Variants in GRK5 observed in about 807,000 individuals in gnomAD.
The protein encoded by GRK5 is G protein-coupled receptor kinase 5.
In GRK5, 40 loss-of-function variants were observed where a neutral mutation model predicts 78.4. The ratio of observed to expected loss-of-function variants is 0.51; its 90% confidence interval spans 0.40 to 0.66. The LOEUF is 0.66. GRK5 is among the 30% of genes least tolerant of loss of function. GRK5 has a pLI of 0.00. For synonymous variants in GRK5, 289 were observed against 296.8 expected, an observed-to-expected ratio of 0.97 and a Z score of 0.27; for missense variants, 598 against 759.9, an observed-to-expected ratio of 0.79 and a Z score of 2.50.
At chr10:119,265,316 A>G (rs2133662764) in intron 1 of GRK5, among the ~76,000 whole-genome samples, 1 of 152,328 alleles carries the variant, frequency 6.6e-6, no homozygotes, top group Non-Finnish European at 1.5e-5. Context: ...GGTGAGTGGC[A>G]GATCAAGGAT....
chr10:119,234,177 ATAT>A (rs981964926), intron 1 of GRK5, among the ~76,000 whole-genome samples: 43 of 152,304 alleles, frequency 2.8e-4, no homozygotes, highest in African/African-American at 9.9e-4. Context: ...TCGGAGGTAA[ATAT>A]TATTTTTATC....
intron 3 of GRK5, among the ~76,000 whole-genome samples, chr10:119,392,754 G>A (rs1333901406): frequency 2.0e-5 from 3 of 152,126 alleles, no homozygotes. Flanking sequence ...TTTCGGGGAG[G>A]GGACAAGGCC....
chr10:119,415,104 GAAAA>G (rs1434812144), intron 4 of GRK5, among the ~76,000 whole-genome samples: 2 of 127,562 alleles, frequency 1.6e-5, no homozygotes, highest in African/African-American at 3.0e-5. Context: ...AAAAAAAAAA[GAAAA>G]AGAAAAAAGA....
intron 2 of GRK5, among the ~76,000 whole-genome samples, chr10:119,332,552 T>C (rs903216114): frequency 4.6e-5 from 7 of 152,356 alleles, no homozygotes; most frequent in South Asian, 2.1e-4. Flanking sequence ...ACATTCATAA[T>C]TGAAGGAAGT....
intron 1 of GRK5, among the ~76,000 whole-genome samples, chr10:119,291,761 C>G (rs1348421872): frequency 6.6e-6 from 1 of 150,564 alleles, no homozygotes; most frequent in South Asian, 2.1e-4. Context: ...TCCTCTTCCT[C>G]ATCCTCCTCC....
intron 2 of GRK5, among the ~76,000 whole-genome samples, chr10:119,342,949 C>T (rs1371770201): frequency 1.3e-5 from 2 of 152,206 alleles, no homozygotes; most frequent in Non-Finnish European, 2.9e-5. Flanking sequence ...GGAGGGTCCT[C>T]AGCCATGGCA....
intron 1 of GRK5, among the ~76,000 whole-genome samples, chr10:119,270,368 T>C (rs990382840): frequency 2.5e-4 from 38 of 152,256 alleles, no homozygotes; most frequent in African/African-American, 8.2e-4. Context: ...TACAAACATT[T>C]TCCTTGTCAT....
intron 1 of GRK5, among the ~76,000 whole-genome samples, chr10:119,210,582 A>G (rs1589680167): frequency 1.3e-5 from 2 of 152,366 alleles, no homozygotes; most frequent in East Asian, 3.9e-4. Context: ...TTAGTGAAAT[A>G]TCTAATATAA....
rs973771232 is a variant in GRK5 at position 119,336,285 on chromosome 10, G to A, written c.148+9674G>A. 6 of 152,344 alleles carry A rather than the reference G, an allele frequency of 3.9e-5. No homozygotes were observed. The highest frequency in any genetic ancestry group is 1.2e-4 in the African/African-American group (5 of 41,554). 9.4% of individuals were successfully genotyped at this position (152,344 alleles called of 1,614,324 possible). On this transcript the variant is annotated intron_variant, in intron 2 of 15. Coordinates refer to ENST00000392870, the MANE Select transcript of GRK5 (RefSeq NM_005308.3). This position sits in a 1 kb window ranked among gnomAD's most constrained non-coding sequence, Gnocchi z 4.5. ...GCTCCACAGTTTGCCCAGGGAAGCT[G>A]GAAGCATCACACTCTGCCCAGGCCC...
chr10:119,393,460 T>C (rs1254434356), intron 3 of GRK5, among the ~76,000 whole-genome samples: 1 of 152,234 alleles, frequency 6.6e-6, no homozygotes, highest in African/African-American at 2.4e-5. Context: ...TCCATTTGGT[T>C]AAATAGAGCC....
chr10:119,431,602 G>A lies in GRK5; in HGVS notation c.738+75G>A. The A allele has an allele frequency of 6.5e-7, 1 of 1,540,934 alleles. No individual in the cohort carries two copies. The highest frequency in any genetic ancestry group is 8.8e-7 in the Non-Finnish European group (1 of 1,137,110). ...GGCTTCCCTCCCTCCGGAAGGGCGT[G>A]GTCCTCTAATGCGGCCGGTCCCCAC... On this transcript the variant is annotated intron_variant, in intron 8 of 15. Coordinates refer to ENST00000392870, the MANE Select transcript of GRK5 (RefSeq NM_005308.3). This position sits in a 1 kb window ranked among gnomAD's most constrained non-coding sequence, Gnocchi z 4.8.
At chr10:119,262,937 C>T (rs1849435443) in intron 1 of GRK5, among the ~76,000 whole-genome samples, 2 of 152,172 alleles carry the variant, frequency 1.3e-5, no homozygotes, top group East Asian at 1.9e-4. Context: ...TTAATAGATA[C>T]AGCTGAGGAA....
chr10:119,409,834 C>T (rs978305559), intron 4 of GRK5, among the ~76,000 whole-genome samples: 1 of 152,248 alleles, frequency 6.6e-6, no homozygotes, highest in Non-Finnish European at 1.5e-5. Flanking sequence ...TTGGCGGGCC[C>T]TGCCCTCGCC....
At chr10:119,223,160 T>C (rs1848684198) in intron 1 of GRK5, among the ~76,000 whole-genome samples, 1 of 152,142 alleles carries the variant, frequency 6.6e-6, no homozygotes, top group Non-Finnish European at 1.5e-5. Context: ...CTCCTTGGCT[T>C]GTTGGTGGCT....
chr10:119,247,919 A>T (rs1849139054), intron 1 of GRK5, among the ~76,000 whole-genome samples: 2 of 152,220 alleles, frequency 1.3e-5, no homozygotes, highest in African/African-American at 4.8e-5. Flanking sequence ...GGCTGCTGAC[A>T]TTTGGTGATA....
chr10:119,262,111 T>A (rs1225296522), intron 1 of GRK5, among the ~76,000 whole-genome samples: 5 of 152,332 alleles, frequency 3.3e-5, no homozygotes, highest in African/African-American at 1.2e-4. Flanking sequence ...CTATTTTGTG[T>A]TGTCAGATGT....
intron 3 of GRK5, among the ~76,000 whole-genome samples, chr10:119,392,748 G>C (rs543906902): frequency 6.6e-6 from 1 of 152,240 alleles, no homozygotes; most frequent in South Asian, 2.1e-4. Context: ...CCTGTGTTTC[G>C]GGGAGGGGAC....
chr10:119,341,044 G>A (rs1344758022), intron 2 of GRK5, among the ~76,000 whole-genome samples: 12 of 152,186 alleles, frequency 7.9e-5, no homozygotes, highest in East Asian at 5.8e-4. Context: ...CTGCCCTGCC[G>A]TGTGGCACCT....
chr10:119,362,945 G>A (rs1237789552), intron 2 of GRK5, among the ~76,000 whole-genome samples: 1 of 152,218 alleles, frequency 6.6e-6, no homozygotes, highest in African/African-American at 2.4e-5. Context: ...GGCAAGTGAA[G>A]AAGGTGGGTA....
Sources: gnomAD v4.1 joint callset for allele counts (sites outside exome capture counted in the v4.1 genomes callset) on GRCh38, gnomAD v4.1.1 for gene constraint, Gnocchi (gnomAD v3.1) non-coding constraint, MANE v1.5 for transcripts, NCBI Gene and HGNC (gene_info 2026-07-23, HGNC 2026-07-21) for gene names.